The following EXOC6 variants were observed in gnomAD, a reference collection of about 807,000 sequenced individuals.
The protein encoded by EXOC6 is exocyst complex component 6.
A neutral mutation model predicts 112.5 loss-of-function variants in EXOC6; 60 were observed. The observed-to-expected ratio is 0.53, with a 90% CI of 0.43 to 0.66. The LOEUF (loss-of-function observed/expected upper bound fraction) is 0.66. EXOC6 is among the 30% of genes least tolerant of loss of function. The pLI, the probability that EXOC6 is intolerant of heterozygous loss-of-function variation, is 0.00. For synonymous variants in EXOC6, 295 were observed against 308.0 expected (o/e 0.96, Z 0.44); for missense variants, 855 against 957.1 (o/e 0.89, Z 1.41).
intron 18 of EXOC6, among the ~76,000 whole-genome samples, chr10:92,974,713 A>G (rs1249896645): frequency 5.9e-5 from 9 of 152,086 alleles, no homozygotes; most frequent in Non-Finnish European, 7.4e-5. Flanking sequence ...TTGCAGGCGC[A>G]CGCCACCACG....
chr10:92,848,344 C>G (rs1847135957), upstream of EXOC6: 1 of 205,332 alleles, frequency 4.9e-6, no homozygotes, highest in African/African-American at 2.4e-5. Context: ...GCTCACAGCC[C>G]CCGCTCACTC....
At chr10:93,044,955 C>T (rs888233587) in intron 20 of EXOC6, among the ~76,000 whole-genome samples, 2 of 152,144 alleles carry the variant, frequency 1.3e-5, no homozygotes, top group African/African-American at 2.4e-5. Context: ...TCACTGCAAC[C>T]TCCACCTCCT....
At chr10:92,960,036 A>T (rs948720441) in intron 17 of EXOC6, among the ~76,000 whole-genome samples, 1 of 152,212 alleles carries the variant, frequency 6.6e-6, no homozygotes, top group African/African-American at 2.4e-5. Context: ...TTGAAAACTT[A>T]GGTTCACCCA....
chr10:93,042,411 CT>C (rs1438882717), intron 20 of EXOC6, among the ~76,000 whole-genome samples: 4 of 152,160 alleles, frequency 2.6e-5, no homozygotes, highest in African/African-American at 9.7e-5. Context: ...ATATCTTTCC[CT>C]TTATACTTGT....
chr10:92,933,272 G>A (rs565831814), intron 9 of EXOC6, among the ~76,000 whole-genome samples: 1 of 152,212 alleles, frequency 6.6e-6, no homozygotes, highest in South Asian at 2.1e-4. Flanking sequence ...TCTAAACCAA[G>A]TAGACATAAC....
intron 1 of EXOC6, among the ~76,000 whole-genome samples, chr10:92,867,113 A>C (rs1848212128): frequency 6.6e-6 from 1 of 152,146 alleles, no homozygotes; most frequent in South Asian, 2.1e-4. Context: ...AAGAGATGTA[A>C]GAGTCACAGA....
chr10:92,916,476 C>T (rs1184741944), intron 7 of EXOC6, among the ~76,000 whole-genome samples: 1 of 152,134 alleles, frequency 6.6e-6, no homozygotes, highest in Non-Finnish European at 1.5e-5. Context: ...TGCCACTGTA[C>T]TCCAGCCTGG....
chr10:92,864,392 C>CA (rs1848069527), intron 1 of EXOC6, among the ~76,000 whole-genome samples: 1 of 152,198 alleles, frequency 6.6e-6, no homozygotes, highest in Non-Finnish European at 1.5e-5. Flanking sequence ...TATTCTGAAA[C>CA]AAACACTTGA....
At chr10:93,043,146 A>G (rs1413192111) in intron 20 of EXOC6, among the ~76,000 whole-genome samples, 1 of 152,016 alleles carries the variant, frequency 6.6e-6, no homozygotes, top group African/African-American at 2.4e-5. Context: ...CATCTTGGCC[A>G]GGCTGGTCTT....
rs1468467395 is a variant in EXOC6, at chr10:93,018,782, G to A, written c.2169+4515G>A. On this transcript the variant is annotated intron_variant, in intron 20 of 21. Transcript: ENST00000260762. ...AAATTATTGATAGTAGCTGAATCTGGGAGGTGAGGATGATGGGTTTATTGT... is the reference window on the plus strand; with the variant it reads ...AAATTATTGATAGTAGCTGAATCTGAGAGGTGAGGATGATGGGTTTATTGT... Among the ~76,000 whole-genome samples the A allele has an allele frequency of 2.0e-5, 3 of 151,786 alleles. No individual in the cohort carries two copies. In the East Asian group the frequency reaches 5.8e-4, roughly 29 times the overall value.
intron 1 of EXOC6, among the ~76,000 whole-genome samples, chr10:92,890,598 A>G (rs1164417403): frequency 6.6e-6 from 1 of 152,154 alleles, no homozygotes; most frequent in African/African-American, 2.4e-5. Flanking sequence ...ATATAGTGAT[A>G]AACTCCTTTG....
chr10:92,943,024 AT>A (rs202118303), intron 13 of EXOC6, among the ~76,000 whole-genome samples: 2,182 of 143,964 alleles, frequency 0.015, 38 homozygotes, highest in African/African-American at 0.046. Flanking sequence ...TTTTTGCCTA[AT>A]TTTTTTTTTT....
intron 4 of EXOC6, among the ~76,000 whole-genome samples, chr10:92,897,243 G>A (rs1388657567): frequency 3.3e-5 from 5 of 152,172 alleles, no homozygotes; most frequent in African/African-American, 9.7e-5. Context: ...TACTGTCTTC[G>A]TTTTTAAGGC....
chr10:92,992,301 A>AT (rs1843298955), intron 18 of EXOC6, among the ~76,000 whole-genome samples: 1 of 151,596 alleles, frequency 6.6e-6, no homozygotes, highest in Non-Finnish European at 1.5e-5. Flanking sequence ...AAAAAAAAAA[A>AT]AAAAAAAAAA....
chr10:92,862,724 G>A (rs1847969067), intron 1 of EXOC6, among the ~76,000 whole-genome samples: 1 of 152,114 alleles, frequency 6.6e-6, no homozygotes, highest in Non-Finnish European at 1.5e-5. Context: ...TCTTTTTATG[G>A]CTGAATAATT....
At chr10:92,954,789 A>T in intron 16 of EXOC6, 48 bp downstream of exon 16, 4 of 772,066 alleles carry the variant, frequency 5.2e-6, no homozygotes, top group Non-Finnish European at 8.8e-6. Context: ...GTATGAAACA[A>T]TTATTTTAAA....
chr10:92,954,586 A>G (rs1225836753), intron 15 of EXOC6, 44 bp from the exon 16 acceptor site: 1 of 942,542 alleles, frequency 1.1e-6, no homozygotes, highest in Non-Finnish European at 1.7e-6. Context: ...AACTAACCAC[A>G]TTCATTATTT....
chr10:92,952,941 A>G (rs998007367), intron 15 of EXOC6, among the ~76,000 whole-genome samples: 13 of 152,254 alleles, frequency 8.5e-5, no homozygotes, highest in Admixed American at 2.6e-4. Flanking sequence ...TGTCTTTACT[A>G]TTGTGAATAG....
rs377604749 is a variant in EXOC6 at position 92,948,219 on chromosome 10, G to A, written c.1311-55G>A. On this transcript the variant is annotated intron_variant, in intron 13 of 21. Transcript: ENST00000260762. ...GGGTTTTTTAAGGTATTGTCTTTTAGTACTCTAATAATATGCTTTGTAATG... is the reference window on the plus strand; with the variant it reads ...GGGTTTTTTAAGGTATTGTCTTTTAATACTCTAATAATATGCTTTGTAATG... 3.9e-5 allele frequency: 45 copies of A among 1,145,218 alleles called. 1 individual carries two copies. The highest frequency in any genetic ancestry group is 2.5e-4 in the African/African-American group (16 of 63,160). 70.9% of individuals were successfully genotyped at this position (1,145,218 alleles called of 1,614,324 possible).
Sources: gnomAD v4.1 joint callset for allele counts (sites outside exome capture counted in the v4.1 genomes callset) on GRCh38, gnomAD v4.1.1 for gene constraint, MANE v1.5 for transcripts, NCBI Gene and HGNC (gene_info 2026-07-23, HGNC 2026-07-21) for gene names.